CEP15: variants seen among roughly 807,000 people sequenced by gnomAD.
The protein encoded by CEP15 is centrosomal protein 15.
chr3:62,329,339 A>G, the CEP15 span, among the ~76,000 whole-genome samples: 3 of 152,162 alleles, frequency 2.0e-5, no homozygotes, highest in Admixed American at 2.0e-4. Context: ...TTGAGAAGTA[A>G]GGGCTAGGAA....
At chr3:62,320,870 G>A in the CEP15 span, among the ~76,000 whole-genome samples, 1 of 152,110 alleles carries the variant, frequency 6.6e-6, no homozygotes, top group African/African-American at 2.4e-5. Context: ...CCTGCATTTG[G>A]TTTAATGCTC....
chr3:62,327,881 C>T, the CEP15 span, among the ~76,000 whole-genome samples: 1 of 152,142 alleles, frequency 6.6e-6, no homozygotes, highest in Non-Finnish European at 1.5e-5. Context: ...CGATCCCTTG[C>T]AATTTTTGTT....
At chr3:62,333,146 G>T in the CEP15 span, 4 of 908,304 alleles carry the variant, frequency 4.4e-6, no homozygotes, top group Non-Finnish European at 6.8e-6. The surrounding 1 kb of genome is among the most constrained non-coding windows in gnomAD (Gnocchi z 4.0). Context: ...GTGTGTGTGT[G>T]TGTGTATACA....
the CEP15 span, chr3:62,331,209 A>C: frequency 2.9e-5 from 23 of 782,428 alleles, no homozygotes; most frequent in African/African-American, 3.8e-4. Flanking sequence ...CCATCCATTC[A>C]GATTATATCC....
the CEP15 span, chr3:62,333,238 T>C: frequency 6.2e-7 from 1 of 1,605,688 alleles, no homozygotes; most frequent in Non-Finnish European, 8.5e-7. The surrounding 1 kb of genome is among the most constrained non-coding windows in gnomAD (Gnocchi z 4.0). Context: ...TTTTTACTTT[T>C]GGATTTTTTT....
At chr3:62,327,036 G>T in the CEP15 span, among the ~76,000 whole-genome samples, 1 of 152,106 alleles carries the variant, frequency 6.6e-6, no homozygotes, top group Non-Finnish European at 1.5e-5. Context: ...ATCTAACATT[G>T]TACTTGATTG....
the CEP15 span, chr3:62,331,406 A>G: frequency 6.2e-7 from 1 of 1,611,464 alleles, no homozygotes; most frequent in Non-Finnish European, 8.5e-7. Context: ...TGAGGTGAGC[A>G]TCTTAAGGAA....
chr3:62,320,204 T>C, the CEP15 span, among the ~76,000 whole-genome samples: 8 of 152,348 alleles, frequency 5.3e-5, no homozygotes, highest in East Asian at 1.5e-3. Flanking sequence ...TTAATTCTGA[T>C]TAAGGTTAGA....
At chr3:62,327,835 A>T in the CEP15 span, among the ~76,000 whole-genome samples, 1 of 151,994 alleles carries the variant, frequency 6.6e-6, no homozygotes, top group Admixed American at 6.5e-5. Context: ...ATGAGGTGGT[A>T]TTTTGTTTTT....
the CEP15 span, chr3:62,333,401 G>C: frequency 6.2e-7 from 1 of 1,605,048 alleles, no homozygotes; most frequent in Non-Finnish European, 8.5e-7. The surrounding 1 kb of genome is among the most constrained non-coding windows in gnomAD (Gnocchi z 4.0). Flanking sequence ...TTCTTCACAT[G>C]CTATTTCAAA....
At chr3:62,321,813 A>G in the CEP15 span, 1 of 715,538 alleles carries the variant, frequency 1.4e-6, no homozygotes, top group Non-Finnish European at 2.2e-6. This position sits in a 1 kb window ranked among gnomAD's most constrained non-coding sequence, Gnocchi z 4.1. Context: ...ATTGACTTTC[A>G]GAATAGGTTA....
the CEP15 span, chr3:62,331,335 C>T: frequency 6.2e-7 from 1 of 1,612,818 alleles, no homozygotes; most frequent in Non-Finnish European, 8.5e-7. Context: ...GATATAGAAG[C>T]AGCAGAAAAG....
the CEP15 span, among the ~76,000 whole-genome samples, chr3:62,324,382 A>T: frequency 2.0e-5 from 3 of 152,112 alleles, no homozygotes; most frequent in African/African-American, 7.2e-5. Flanking sequence ...AGCCTGAGTG[A>T]CAGAGTGAGA....
At chr3:62,331,428 A>G in the CEP15 span, 3 of 1,570,476 alleles carry the variant, frequency 1.9e-6, no homozygotes, top group South Asian at 1.1e-5. Context: ...AAATGTAAAA[A>G]GAGAGACCCT....
chr3:62,333,689 A>T, the CEP15 span: 2 of 200,092 alleles, frequency 1.0e-5, no homozygotes, highest in Non-Finnish European at 2.0e-5. This position sits in a 1 kb window ranked among gnomAD's most constrained non-coding sequence, Gnocchi z 4.0. Flanking sequence ...AAAAAAAAAA[A>T]TTTACAATCA....
chr3:62,327,371 G>A, the CEP15 span, among the ~76,000 whole-genome samples: 71 of 152,254 alleles, frequency 4.7e-4, no homozygotes, highest in South Asian at 0.013. Flanking sequence ...TCAAAAATTC[G>A]TAATTAAATA....
At chr3:62,335,771 A>C in the CEP15 span, 2 of 152,136 alleles carry the variant, frequency 1.3e-5, no homozygotes, top group African/African-American at 2.4e-5. Context: ...TTTCAAAATG[A>C]AAGTCAAATA....
At chr3:62,331,629 A>T in the CEP15 span, among the ~76,000 whole-genome samples, 1 of 152,124 alleles carries the variant, frequency 6.6e-6, no homozygotes, top group Non-Finnish European at 1.5e-5. Flanking sequence ...TTTTATAAAG[A>T]TAGGGATCTT....
the CEP15 span, among the ~76,000 whole-genome samples, chr3:62,326,850 A>AT: frequency 6.6e-6 from 1 of 152,092 alleles, no homozygotes; most frequent in Non-Finnish European, 1.5e-5. Flanking sequence ...GAATATATGT[A>AT]TTTTTTCTGT....
Sources: gnomAD v4.1 joint callset for allele counts (sites outside exome capture counted in the v4.1 genomes callset) on GRCh38, gnomAD v4.1.1 for gene constraint, Gnocchi (gnomAD v3.1) non-coding constraint, MANE v1.5 for transcripts, NCBI Gene and HGNC (gene_info 2026-07-23, HGNC 2026-07-21) for gene names.